Variants in PDE4D observed in about 807,000 individuals in gnomAD.
The protein encoded by PDE4D is phosphodiesterase 4D.
A neutral mutation model predicts 87.4 loss-of-function variants in PDE4D; 24 were observed. That is an observed-to-expected ratio of 0.27 (90% CI 0.20 to 0.39). The LOEUF is 0.39. Among genes scored for constraint, PDE4D ranks in the 10% least tolerant of loss-of-function variants. The pLI, the probability that PDE4D is intolerant of heterozygous loss-of-function variation, is 1.00. For missense variants in PDE4D, 714 were observed against 1,041.0 expected, an observed-to-expected ratio of 0.69 and a Z score of 4.32; for synonymous variants, 384 against 383.2, an observed-to-expected ratio of 1.00 and a Z score of -0.02.
At chr5:59,196,072 C>T (rs954080459) in intron 2 of PDE4D, among the ~76,000 whole-genome samples, 2 of 151,958 alleles carry the variant, frequency 1.3e-5, no homozygotes, top group African/African-American at 4.8e-5. Flanking sequence ...ATTAAAAGCT[C>T]TGGGGGAAAG....
At chr5:59,587,376 C>T (rs114452372) in intron 1 of PDE4D, 14,796 of 873,562 alleles carry the variant, frequency 0.017, 132 homozygotes, top group South Asian at 0.035. Flanking sequence ...ACCCCAAATT[C>T]AGTTTTCCAA....
intron 1 of PDE4D, among the ~76,000 whole-genome samples, chr5:60,513,978 GATAAT>G (rs1750686172): frequency 6.6e-6 from 1 of 150,976 alleles, no homozygotes; most frequent in African/African-American, 2.4e-5. Context: ...GAAATGAAAT[GATAAT>G]ATAAGAATAG....
chr5:60,196,520 C>A (rs1159278626), intron 1 of PDE4D, among the ~76,000 whole-genome samples: 1 of 151,618 alleles, frequency 6.6e-6, no homozygotes, highest in Non-Finnish European at 1.5e-5. Context: ...CCTGCCTGGG[C>A]AGTGGGAGGT....
At chr5:59,908,709 T>C (rs926393291) in intron 3 of PDE4D, among the ~76,000 whole-genome samples, 3 of 152,222 alleles carry the variant, frequency 2.0e-5, no homozygotes. Flanking sequence ...AATACTCTAA[T>C]ATATTCCCTA....
chr5:59,964,165 G>A (rs1759758600), intron 3 of PDE4D, among the ~76,000 whole-genome samples: 1 of 152,124 alleles, frequency 6.6e-6, no homozygotes, highest in Non-Finnish European at 1.5e-5. Flanking sequence ...CAACTGAAGT[G>A]TCCATTGACA....
rs16890512 is a variant in PDE4D, at chr5:60,100,892, G to A, written c.42+84665C>T. On this transcript the variant is annotated intron_variant, in intron 2 of 16. Coordinates refer to the PDE4D transcript ENST00000502484. ...CTCACAAAGGATGTTAACCTTCTAG[G>A]TGTTTTAAATACATCCATCTGTGAG... Among the ~76,000 whole-genome samples the A allele has an allele frequency of 5.3e-3, 804 of 152,148 alleles. 10 individuals are homozygous for A. Among genetic ancestry groups the A allele is most frequent in the African/African-American group, 0.019 (770 of 41,530 alleles).
chr5:59,281,282 C>T (rs534916312), intron 1 of PDE4D, among the ~76,000 whole-genome samples: 2 of 152,154 alleles, frequency 1.3e-5, no homozygotes, highest in African/African-American at 4.8e-5. Flanking sequence ...TGTATTGTGG[C>T]TTAGAGTCAC....
At chr5:60,194,934 CT>C (rs1243457719) in intron 1 of PDE4D, among the ~76,000 whole-genome samples, 1 of 151,648 alleles carries the variant, frequency 6.6e-6, no homozygotes, top group Non-Finnish European at 1.5e-5. Flanking sequence ...AGGAGTCCCC[CT>C]GTCTGCTGTT....
At chr5:59,883,900 T>C (rs183453872) in intron 1 of PDE4D, among the ~76,000 whole-genome samples, 1 of 152,256 alleles carries the variant, frequency 6.6e-6, no homozygotes, top group East Asian at 1.9e-4. Context: ...TTTTACTAAA[T>C]TTTTTTATGA....
intron 2 of PDE4D, among the ~76,000 whole-genome samples, chr5:60,107,658 C>A (rs149915185): frequency 0.14 from 21,375 of 152,142 alleles, 1,557 homozygotes; most frequent in Middle Eastern, 0.22. Context: ...AGTTTATCCA[C>A]CATGATCAAG....
chr5:59,587,663 CAG>C, intron 1 of PDE4D: 1 of 975,770 alleles, frequency 1.0e-6, no homozygotes, highest in Non-Finnish European at 1.2e-6. Flanking sequence ...TGCTGCCTGA[CAG>C]GGGATGTGCT....
intron 1 of PDE4D, among the ~76,000 whole-genome samples, chr5:59,244,968 T>C (rs1758555138): frequency 1.3e-5 from 2 of 152,000 alleles, no homozygotes; most frequent in Non-Finnish European, 2.9e-5. Flanking sequence ...GGGAATTTTC[T>C]GAAGTTCCCA....
intron 1 of PDE4D, among the ~76,000 whole-genome samples, chr5:59,473,365 T>C (rs909669402): frequency 6.6e-6 from 1 of 152,192 alleles, no homozygotes; most frequent in Middle Eastern, 3.4e-3. Flanking sequence ...TGTTTACAAT[T>C]CACCTGGGAA....
intron 1 of PDE4D, among the ~76,000 whole-genome samples, chr5:60,320,621 C>A (rs1756162433): frequency 6.6e-6 from 1 of 152,116 alleles, no homozygotes; most frequent in Non-Finnish European, 1.5e-5. Flanking sequence ...GCCATCTTGG[C>A]TCCACCAGTC....
chr5:60,010,147 T>C (rs1764888485), intron 2 of PDE4D, among the ~76,000 whole-genome samples: 3 of 152,114 alleles, frequency 2.0e-5, no homozygotes, highest in Admixed American at 2.0e-4. Flanking sequence ...CTCTTCTTCC[T>C]GAAAATTAGA....
chr5:59,087,310 C>T (rs1445496130), intron 5 of PDE4D, among the ~76,000 whole-genome samples: 1 of 152,008 alleles, frequency 6.6e-6, no homozygotes, highest in African/African-American at 2.4e-5. Flanking sequence ...CATAGGGAGA[C>T]CTTGTCTCTA....
chr5:59,036,388 T>C (rs1282046493), intron 6 of PDE4D, among the ~76,000 whole-genome samples: 2 of 152,186 alleles, frequency 1.3e-5, no homozygotes, highest in African/African-American at 2.4e-5. Flanking sequence ...AAAGAATGGA[T>C]GGTAATAAAA....
At chr5:59,525,490 G>A (rs578247867) in intron 1 of PDE4D, among the ~76,000 whole-genome samples, 1 of 152,302 alleles carries the variant, frequency 6.6e-6, no homozygotes, top group East Asian at 1.9e-4. Context: ...TAGACAGAAG[G>A]GACTTGCCTT....
chr5:59,072,867 G>A (rs1765074562), intron 5 of PDE4D, among the ~76,000 whole-genome samples: 1 of 152,140 alleles, frequency 6.6e-6, no homozygotes, highest in African/African-American at 2.4e-5. Context: ...ATTAGCCATT[G>A]ACCTGCAATA....
Sources: gnomAD v4.1 joint callset for allele counts (sites outside exome capture counted in the v4.1 genomes callset) on GRCh38, gnomAD v4.1.1 for gene constraint, MANE v1.5 for transcripts, NCBI Gene and HGNC (gene_info 2026-07-23, HGNC 2026-07-21) for gene names.